Variants in HS1BP3 observed in about 807,000 individuals in gnomAD.
The protein encoded by HS1BP3 is HCLS1 binding protein 3.
A neutral mutation model predicts 33.5 loss-of-function variants in HS1BP3; 32 were observed. The ratio of observed to expected loss-of-function variants is 0.95; its 90% CI spans 0.72 to 1.28. The LOEUF is 1.28. Among genes scored for constraint, HS1BP3 ranks in the 50% most tolerant of loss-of-function variants. The probability of loss-of-function intolerance (pLI) is 0.00; values close to 1 mark genes in which losing one functional copy is unlikely to be tolerated. For missense variants in HS1BP3, 486 were observed against 502.3 expected (o/e 0.97, Z 0.31); for synonymous variants, 187 against 209.2 (o/e 0.89, Z 0.92).
chr2:20,618,974 C>T lies in HS1BP3; in HGVS notation c.*13G>A. On this transcript the variant is annotated 3_prime_UTR_variant, in exon 7 of 7. Coordinates refer to ENST00000304031, the MANE Select transcript of HS1BP3 (RefSeq NM_022460.4). ...CAGACAGGCCTGCTGGGCCAGGGGC[C>T]AGCATGGAAGGGTCAGAAGAGGCTG... 1.2e-6 allele frequency: 2 copies of T among 1,609,004 alleles called. No homozygotes were observed. The highest frequency in any genetic ancestry group is 2.2e-5 in the South Asian group (2 of 90,546).
intron 1 of HS1BP3, among the ~76,000 whole-genome samples, chr2:20,649,679 G>A (rs1003236786): frequency 5.9e-5 from 9 of 152,222 alleles, no homozygotes; most frequent in Non-Finnish European, 1.0e-4. Context: ...CTGGAAAGAG[G>A]AGCTGGGGTG....
chr2:20,621,176 A>G (rs188751128), intron 6 of HS1BP3, among the ~76,000 whole-genome samples: 14 of 152,344 alleles, frequency 9.2e-5, no homozygotes, highest in Non-Finnish European at 1.8e-4. Context: ...GATACCTCTG[A>G]TCAGGACAAC....
At chr2:20,560,265 C>A (rs1207179593), downstream of HS1BP3, among the ~76,000 whole-genome samples, 1 of 152,142 alleles carries the variant, frequency 6.6e-6, no homozygotes, top group African/African-American at 2.4e-5. Context: ...ATGGCCAGGC[C>A]CACTATCTCA....
At chr2:20,621,732 G>A (rs10432583) in intron 6 of HS1BP3, among the ~76,000 whole-genome samples, 12 of 152,184 alleles carry the variant, frequency 7.9e-5, no homozygotes, top group Non-Finnish European at 4.4e-5. Flanking sequence ...GCAAAGCAGT[G>A]ACTCTTTGGA....
At position 20,631,035 on chromosome 2, in the gene HS1BP3, T is replaced by C. The variant is rs73237111; in HGVS notation, c.624-6143A>G. Among the ~76,000 whole-genome samples, 501 of 152,270 alleles carry C rather than the reference T, an allele frequency of 3.3e-3. 2 individuals are homozygous for C. Among genetic ancestry groups the C allele is most frequent in the African/African-American group, 0.011 (475 of 41,564 alleles). ...ACTCAACTTCCCCAACCATGTTTCC[T>C]TACTGGAGGTCAAAGGGAAGAAGGA... On this transcript the variant is annotated intron_variant, in intron 4 of 6. Transcript: ENST00000304031.
chr2:20,638,152 C>A, intron 4 of HS1BP3: 2 of 573,102 alleles, frequency 3.5e-6, no homozygotes, highest in Non-Finnish European at 6.1e-6. Context: ...TGAGCTGTCA[C>A]GGAGGACTCT....
At chr2:20,584,271 G>A (rs1173406030) in intron 5 of HS1BP3, among the ~76,000 whole-genome samples, 1 of 152,340 alleles carries the variant, frequency 6.6e-6, no homozygotes, top group East Asian at 1.9e-4. Context: ...AGCCATGCTG[G>A]CAGAAGAGAG....
chr2:20,604,593 A>G (rs1109688), intron 2 of HS1BP3, among the ~76,000 whole-genome samples: 9,800 of 152,272 alleles, frequency 0.064, 349 homozygotes, highest in African/African-American at 0.091. Context: ...AATTGCAACA[A>G]CAAATCTGTG....
intron 5 of HS1BP3, among the ~76,000 whole-genome samples, chr2:20,562,806 A>G (rs1356842360): frequency 6.6e-6 from 1 of 152,170 alleles, no homozygotes; most frequent in Non-Finnish European, 1.5e-5. Context: ...GTGGCGGGAA[A>G]ACAACTCGCA....
intron 4 of HS1BP3, among the ~76,000 whole-genome samples, chr2:20,626,183 G>A (rs1694777412): frequency 6.6e-6 from 1 of 152,214 alleles, no homozygotes; most frequent in Non-Finnish European, 1.5e-5. Context: ...GGCCCTGGGT[G>A]CTGGAGGGGC....
At chr2:20,574,876 G>C (rs138223681) in intron 5 of HS1BP3, among the ~76,000 whole-genome samples, 1 of 152,330 alleles carries the variant, frequency 6.6e-6, no homozygotes, top group Non-Finnish European at 1.5e-5. Flanking sequence ...GTACCAGCAT[G>C]GTTATCTACT....
rs1572349042 is a variant in HS1BP3 at position 20,629,829 on chromosome 2, A to G, written c.624-4937T>C. ...TGCAGCATACGGGGTGAGAGGCGGC[A>G]GCTGCCGCGGCTGACAGCTCCAATG... On this transcript the variant is annotated intron_variant, in intron 4 of 6. Coordinates refer to ENST00000304031, the MANE Select transcript of HS1BP3 (RefSeq NM_022460.4). 2.0e-5 allele frequency among the ~76,000 whole-genome samples: 3 copies of G among 152,216 alleles called. No individual in the cohort carries two copies. The South Asian group carries it at 6.2e-4, about 32-fold the overall frequency.
At position 20,650,605 on chromosome 2, in the gene HS1BP3, C is replaced by T. The variant is rs927389108; in HGVS notation, c.32+427G>A. On this transcript the variant is annotated intron_variant, in intron 1 of 6. Transcript: ENST00000304031. ...GGCATCACCCCCTCTCCGCTGCAGC[C>T]CCCTGCAGGGCGAGCTTGTCTGATT... Among the ~76,000 whole-genome samples the T allele has an allele frequency of 2.4e-4, 36 of 152,340 alleles. No homozygotes were observed. In the East Asian group the frequency reaches 6.4e-3, roughly 27 times the overall value.
chr2:20,573,059 G>A (rs1693313403), intron 5 of HS1BP3, among the ~76,000 whole-genome samples: 1 of 152,210 alleles, frequency 6.6e-6, no homozygotes, highest in Non-Finnish European at 1.5e-5. Flanking sequence ...ATCTGTAAAT[G>A]TCACTGTAGT....
rs552516870 is a variant in HS1BP3 at position 20,611,385 on chromosome 2, G to A, written c.178+12511C>T. 1.3e-5 allele frequency among the ~76,000 whole-genome samples: 2 copies of A among 152,316 alleles called. No homozygotes were observed. Among genetic ancestry groups the A allele is most frequent in the East Asian group, 3.9e-4 (2 of 5,178 alleles). On this transcript the variant is annotated intron_variant, in intron 2 of 3. Coordinates refer to the HS1BP3 transcript ENST00000415264. This position sits in a 1 kb window ranked among gnomAD's most constrained non-coding sequence, Gnocchi z 4.9. ...GCTGGGAAATCCCAAGGGGTAAAGAGAAAGGGATACAGGCCAGCCTGACCA... is the reference window on the plus strand; with the variant it reads ...GCTGGGAAATCCCAAGGGGTAAAGAAAAAGGGATACAGGCCAGCCTGACCA...
At chr2:20,585,362 T>G (rs942075982) in intron 5 of HS1BP3, among the ~76,000 whole-genome samples, 2 of 151,238 alleles carry the variant, frequency 1.3e-5, no homozygotes, top group Non-Finnish European at 1.5e-5. Context: ...TGATCAACAG[T>G]GCCTCCTTTT....
chr2:20,554,338 C>T, the HS1BP3 span, among the ~76,000 whole-genome samples: 3 of 152,212 alleles, frequency 2.0e-5, no homozygotes, highest in Non-Finnish European at 4.4e-5. Flanking sequence ...CTGACACACG[C>T]TCCTAACACA....
At chr2:20,631,376 A>AT (rs1288172172) in intron 4 of HS1BP3, among the ~76,000 whole-genome samples, 2 of 151,944 alleles carry the variant, frequency 1.3e-5, no homozygotes, top group Non-Finnish European at 2.9e-5. Flanking sequence ...GTAGCCAGGC[A>AT]TGGTAGTGCA....
intron 5 of HS1BP3, among the ~76,000 whole-genome samples, chr2:20,567,475 C>G (rs1340087926): frequency 2.6e-5 from 4 of 152,168 alleles, no homozygotes; most frequent in Non-Finnish European, 4.4e-5. Context: ...CACCCTCGCC[C>G]CTGCTGGTAA....
Sources: allele counts gnomAD v4.1 joint callset (sites outside exome capture counted in the v4.1 genomes callset), GRCh38; gene constraint gnomAD v4.1.1; non-coding constraint Gnocchi (gnomAD v3.1); transcripts MANE v1.5; gene names NCBI Gene and HGNC (gene_info 2026-07-23, HGNC 2026-07-21).